SUMF1: variants seen among roughly 807,000 people sequenced by gnomAD.
The protein encoded by SUMF1 is sulfatase modifying factor 1.
SUMF1 carries 48 observed loss-of-function variants against 47.6 expected under a neutral mutation model. That is an observed-to-expected ratio of 1.01 (90% CI 0.80 to 1.28). SUMF1 has a LOEUF of 1.28. Ranked by LOEUF, SUMF1 falls within the 50% of genes most tolerant of loss-of-function variation. The pLI, the probability that SUMF1 is intolerant of heterozygous loss-of-function variation, is 0.00. For missense variants in SUMF1, 571 were observed against 485.4 expected, an observed-to-expected ratio of 1.18 and a Z score of -1.66; for synonymous variants, 230 against 192.1, an observed-to-expected ratio of 1.20 and a Z score of -1.63.
At chr3:4,121,734 T>C (rs1693549207) in intron 8 of SUMF1, among the ~76,000 whole-genome samples, 1 of 152,060 alleles carries the variant, frequency 6.6e-6, no homozygotes, top group South Asian at 2.1e-4. Context: ...ATTTAACTTT[T>C]AAGTTCAGGG....
At chr3:4,394,124 TA>T (rs552261950) in intron 7 of SUMF1, among the ~76,000 whole-genome samples, 2 of 152,260 alleles carry the variant, frequency 1.3e-5, no homozygotes, top group African/African-American at 2.4e-5. Flanking sequence ...TTTTTATTAT[TA>T]TTTTTTTAAA....
In SUMF1 at chr3:4,261,783, G is replaced by A. The variant is rs79846505; in HGVS notation, c.1014+114547C>T. On this transcript the variant is annotated intron_variant and NMD_transcript_variant, in intron 8 of 12. Coordinates refer to the SUMF1 transcript ENST00000448413. ...AGTAGAAGACCAGCATCAGTGCCACGTACAGATTTCTCCCAAAGGCCCCAC... is the reference window on the plus strand; with the variant it reads ...AGTAGAAGACCAGCATCAGTGCCACATACAGATTTCTCCCAAAGGCCCCAC... Among the ~76,000 whole-genome samples, 1,123 of 152,238 alleles carry A rather than the reference G, an allele frequency of 7.4e-3. 14 individuals are homozygous for A. Among genetic ancestry groups the A allele is most frequent in the African/African-American group, 0.026 (1,060 of 41,552 alleles).
intron 8 of SUMF1, among the ~76,000 whole-genome samples, chr3:4,297,164 C>T (rs1056561852): frequency 7.2e-5 from 11 of 152,002 alleles, no homozygotes; most frequent in African/African-American, 2.2e-4. Flanking sequence ...AAACTTGGGC[C>T]GAGGCTTTTT....
At chr3:4,247,500 A>G (rs1433450844) in intron 8 of SUMF1, among the ~76,000 whole-genome samples, 1 of 152,164 alleles carries the variant, frequency 6.6e-6, no homozygotes, top group Non-Finnish European at 1.5e-5. Context: ...ATCATTCAGG[A>G]AATCTGATTA....
intron 3 of SUMF1, among the ~76,000 whole-genome samples, chr3:4,423,979 G>A (rs1401120478): frequency 1.3e-5 from 2 of 152,124 alleles, no homozygotes; most frequent in African/African-American, 2.4e-5. Context: ...TACGTTTCCT[G>A]TATAGCCTGC....
chr3:4,280,804 T>G (rs1697511714), intron 8 of SUMF1, among the ~76,000 whole-genome samples: 1 of 146,432 alleles, frequency 6.8e-6, no homozygotes, highest in East Asian at 2.0e-4. Context: ...AATCTTCAAA[T>G]GGCATTCACC....
intron 3 of SUMF1, among the ~76,000 whole-genome samples, chr3:4,442,349 G>A (rs1243266088): frequency 6.8e-6 from 1 of 146,632 alleles, no homozygotes; most frequent in Non-Finnish European, 1.5e-5. Flanking sequence ...TCCGCCTCCC[G>A]GGTTCACGCC....
chr3:4,229,330 C>A, intron 8 of SUMF1: 1 of 413,564 alleles, frequency 2.4e-6, no homozygotes, highest in Non-Finnish European at 4.8e-6. Context: ...CTCTGGTGAG[C>A]CTTTGATAAT....
At chr3:4,335,172 T>C (rs1199919035) in intron 8 of SUMF1, among the ~76,000 whole-genome samples, 2 of 152,128 alleles carry the variant, frequency 1.3e-5, no homozygotes, top group African/African-American at 4.8e-5. Flanking sequence ...AAAAGTGATC[T>C]CTGCCTGCAG....
downstream of SUMF1, among the ~76,000 whole-genome samples, chr3:4,360,031 G>T (rs546475781): frequency 6.6e-6 from 1 of 152,022 alleles, no homozygotes; most frequent in Non-Finnish European, 1.5e-5. Flanking sequence ...AAATACTTAC[G>T]CAATGTAACA....
chr3:4,107,144 T>TG (rs2125066289), intron 8 of SUMF1, among the ~76,000 whole-genome samples: 1 of 152,170 alleles, frequency 6.6e-6, no homozygotes, highest in East Asian at 1.9e-4. Context: ...CTAGTGTCTC[T>TG]GGTGTCACTA....
At chr3:4,183,825 CA>C (rs1695144439) in intron 8 of SUMF1, among the ~76,000 whole-genome samples, 1 of 152,066 alleles carries the variant, frequency 6.6e-6, no homozygotes, top group African/African-American at 2.4e-5. Context: ...AGTTGGTTCA[CA>C]AGGTAATGGG....
intron 3 of SUMF1, among the ~76,000 whole-genome samples, chr3:4,421,318 A>G (rs576914395): frequency 8.5e-5 from 13 of 152,302 alleles, no homozygotes; most frequent in African/African-American, 2.9e-4. Flanking sequence ...AGGAAATATA[A>G]TACGCATACA....
intron 9 of SUMF1, among the ~76,000 whole-genome samples, chr3:4,050,659 C>T (rs1411933901): frequency 6.6e-6 from 1 of 150,458 alleles, no homozygotes; most frequent in Non-Finnish European, 1.5e-5. Context: ...GGGAGAATCA[C>T]CTGAGCCTGG....
chr3:4,368,886 A>T (rs1700077041), intron 8 of SUMF1, among the ~76,000 whole-genome samples: 1 of 152,178 alleles, frequency 6.6e-6, no homozygotes, highest in Non-Finnish European at 1.5e-5. Flanking sequence ...TAAACTAGTC[A>T]TCCTGTGTGC....
chr3:4,315,006 C>T (rs1698579290), intron 8 of SUMF1, among the ~76,000 whole-genome samples: 1 of 152,060 alleles, frequency 6.6e-6, no homozygotes, highest in Non-Finnish European at 1.5e-5. Context: ...TGAATTATAT[C>T]TCAATAAAGC....
intron 7 of SUMF1, among the ~76,000 whole-genome samples, chr3:4,381,333 G>A (rs750815294): frequency 1.3e-5 from 2 of 152,118 alleles, no homozygotes; most frequent in South Asian, 2.1e-4. Flanking sequence ...TTGGGGACTC[G>A]GGGAAAGGGT....
chr3:4,353,400 C>G lies in SUMF1; in HGVS notation c.1014+22930G>C, dbSNP rs904244548. Reference sequence around the variant, plus strand: ...CCCGAGTAGCTGGGACTACAGGCACCCGCCACCACGCCCGGCTAATTTTTT... The same window carrying G: ...CCCGAGTAGCTGGGACTACAGGCACGCGCCACCACGCCCGGCTAATTTTTT... On this transcript the variant is annotated intron_variant and NMD_transcript_variant, in intron 8 of 12. Transcript: ENST00000448413. 3.3e-5 allele frequency among the ~76,000 whole-genome samples: 5 copies of G among 152,102 alleles called. No homozygotes were observed. In the East Asian group the frequency reaches 7.7e-4, roughly 23 times the overall value.
chr3:4,090,615 A>G (rs1692764635), intron 8 of SUMF1, among the ~76,000 whole-genome samples: 1 of 152,162 alleles, frequency 6.6e-6, no homozygotes, highest in Admixed American at 6.5e-5. Context: ...CAAACTGTGC[A>G]GTATAAAAGC....
Sources: gnomAD v4.1 joint callset for allele counts (sites outside exome capture counted in the v4.1 genomes callset) on GRCh38, gnomAD v4.1.1 for gene constraint, MANE v1.5 for transcripts, NCBI Gene and HGNC (gene_info 2026-07-23, HGNC 2026-07-21) for gene names.